Variants in MAPK10 observed in about 807,000 individuals in gnomAD.
MAPK10 encodes mitogen-activated protein kinase 10, also known as JNK3 alpha protein kinase.
Under a neutral mutation model 59.3 loss-of-function variants are expected in MAPK10, and 25 were observed. That is an observed-to-expected ratio of 0.42 (90% CI 0.31 to 0.59). MAPK10 has a LOEUF of 0.59. MAPK10 is among the 20% of genes least tolerant of loss of function. The probability of loss-of-function intolerance (pLI) is 0.15; values close to 1 mark genes in which losing one functional copy is unlikely to be tolerated. For missense variants in MAPK10, 351 were observed against 568.9 expected (o/e 0.62, Z 3.90); for synonymous variants, 190 against 200.5 (o/e 0.95, Z 0.44).
chr4:86,579,780 AT>A (rs1762137588), intron 1 of MAPK10, among the ~76,000 whole-genome samples: 1 of 152,214 alleles, frequency 6.6e-6, no homozygotes, highest in African/African-American at 2.4e-5. Flanking sequence ...TAAAAGAAAA[AT>A]ATTTTTAAAA....
chr4:86,135,746 G>C (rs907916658), intron 4 of MAPK10, among the ~76,000 whole-genome samples: 16 of 152,096 alleles, frequency 1.1e-4, no homozygotes, highest in Non-Finnish European at 2.2e-4. Flanking sequence ...TGAGCTATGG[G>C]AGGACATTCA....
intron 2 of MAPK10, among the ~76,000 whole-genome samples, chr4:86,276,868 A>G (rs1180068723): frequency 6.6e-6 from 1 of 152,170 alleles, no homozygotes; most frequent in Non-Finnish European, 1.5e-5. Flanking sequence ...ATGCTAGTTA[A>G]GTTGCAGCAC....
At chr4:86,554,457 C>A (rs950817752) in intron 1 of MAPK10, among the ~76,000 whole-genome samples, 8 of 152,132 alleles carry the variant, frequency 5.3e-5, no homozygotes, top group African/African-American at 1.9e-4. Context: ...TCCCAACTTT[C>A]CCATCAAGGT....
chr4:86,489,224 G>A (rs1754269242), intron 1 of MAPK10, among the ~76,000 whole-genome samples: 1 of 152,154 alleles, frequency 6.6e-6, no homozygotes, highest in Non-Finnish European at 1.5e-5. Context: ...TACCTTAATT[G>A]TGAGCTAAAT....
chr4:86,455,189 T>C (rs1751125257), upstream of MAPK10, among the ~76,000 whole-genome samples: 1 of 152,002 alleles, frequency 6.6e-6, no homozygotes, highest in Non-Finnish European at 1.5e-5. Flanking sequence ...CTTTAATGCA[T>C]ACATCTCACA....
At chr4:86,077,215 G>A (rs574586363) in intron 9 of MAPK10, among the ~76,000 whole-genome samples, 6 of 152,106 alleles carry the variant, frequency 3.9e-5, no homozygotes, top group Admixed American at 1.3e-4. Flanking sequence ...ATAAAACAAA[G>A]TAAATATGAA....
intron 9 of MAPK10, among the ~76,000 whole-genome samples, chr4:86,074,667 T>G (rs2048847999): frequency 6.9e-6 from 1 of 145,360 alleles, no homozygotes; most frequent in Non-Finnish European, 1.5e-5. Context: ...CAGTTTGGCC[T>G]GATATGAAAT....
intron 2 of MAPK10, among the ~76,000 whole-genome samples, chr4:86,330,018 C>T (rs1229834555): frequency 2.0e-5 from 3 of 152,020 alleles, no homozygotes; most frequent in South Asian, 2.1e-4. Context: ...TTTGGTGGGC[C>T]GGCAAAGAGA....
rs538241089 is a variant in MAPK10, at chr4:86,524,168, G to A, written c.-263+69742C>T. ...AGAAGGAGACTGAGGCTCTCATCAT[G>A]CAGATGCCCAATCTTGAACTTTACA... On this transcript the variant is annotated intron_variant, in intron 1 of 4. Transcript: ENST00000502302. Among the ~76,000 whole-genome samples, 7 of 152,274 alleles carry A rather than the reference G, an allele frequency of 4.6e-5. No homozygotes were observed. In the South Asian group the frequency reaches 1.5e-3, roughly 32 times the overall value.
intron 1 of MAPK10, among the ~76,000 whole-genome samples, chr4:86,479,948 G>A (rs1753457343): frequency 1.3e-5 from 2 of 151,838 alleles, no homozygotes; most frequent in Admixed American, 6.6e-5. Flanking sequence ...CCTGCTCGAA[G>A]CATCCCTGAG....
At chr4:86,406,119 G>A (rs776563637) in intron 1 of MAPK10, among the ~76,000 whole-genome samples, 2 of 152,098 alleles carry the variant, frequency 1.3e-5, no homozygotes, top group African/African-American at 2.4e-5. Flanking sequence ...ACCTATATAT[G>A]GACAATAATT....
chr4:86,498,528 A>G (rs1755065509), intron 1 of MAPK10, among the ~76,000 whole-genome samples: 1 of 152,214 alleles, frequency 6.6e-6, no homozygotes, highest in African/African-American at 2.4e-5. Context: ...GGAAGTCCAC[A>G]CACACAGAAA....
At chr4:86,221,100 G>A (rs1382655271) in intron 2 of MAPK10, among the ~76,000 whole-genome samples, 1 of 152,186 alleles carries the variant, frequency 6.6e-6, no homozygotes, top group Non-Finnish European at 1.5e-5. Flanking sequence ...GTGCCCATCA[G>A]TCAGGGACAG....
chr4:86,413,713 C>A lies in MAPK10; in HGVS notation c.-122+39317G>T, dbSNP rs141258675. Among the ~76,000 whole-genome samples the A allele has an allele frequency of 7.9e-3, 1,197 of 152,338 alleles. 12 individuals carry two copies. The highest frequency in any genetic ancestry group is 0.027 in the African/African-American group (1,130 of 41,570). ...TGAGCAAGCCTCCATGTGCATGGGA[C>A]CCGCCGAGCCAGGCATGGGACTGTA... On this transcript the variant is annotated intron_variant, in intron 1 of 13. Transcript: ENST00000361569.
At chr4:86,148,244 G>A (rs541078300) in intron 4 of MAPK10, among the ~76,000 whole-genome samples, 7 of 152,200 alleles carry the variant, frequency 4.6e-5, no homozygotes, top group East Asian at 1.9e-4. Context: ...TTGAGACTTC[G>A]CAGAAAAGGT....
intron 1 of MAPK10, among the ~76,000 whole-genome samples, chr4:86,439,411 T>C (rs1169725617): frequency 6.6e-6 from 1 of 152,258 alleles, no homozygotes; most frequent in Non-Finnish European, 1.5e-5. Flanking sequence ...CATATTCTTA[T>C]GTGCATCAAT....
At chr4:86,437,205 C>A (rs570628725) in intron 1 of MAPK10, among the ~76,000 whole-genome samples, 43 of 133,786 alleles carry the variant, frequency 3.2e-4, no homozygotes, top group African/African-American at 1.0e-3. Flanking sequence ...CAGAGTGAGA[C>A]TCTGTCTCAA....
chr4:86,462,480 C>T (rs1038809044), intron 1 of MAPK10, among the ~76,000 whole-genome samples: 2 of 152,130 alleles, frequency 1.3e-5, no homozygotes, highest in African/African-American at 4.8e-5. Flanking sequence ...GATAAACATC[C>T]TACCTGTGAA....
chr4:86,411,796 C>T (rs542260624), intron 1 of MAPK10, among the ~76,000 whole-genome samples: 16 of 152,218 alleles, frequency 1.1e-4, no homozygotes, highest in East Asian at 1.9e-4. Context: ...TGTGCGTCTT[C>T]GCCTGTGAGA....
Sources: gnomAD v4.1 joint callset for allele counts (sites outside exome capture counted in the v4.1 genomes callset) on GRCh38, gnomAD v4.1.1 for gene constraint, MANE v1.5 for transcripts, NCBI Gene and HGNC (gene_info 2026-07-23, HGNC 2026-07-21) for gene names.